Variants in PGCKA1 observed in about 807,000 individuals in gnomAD.
PGCKA1 encodes the protein PDCD10 and GCKIII kinases associated 1, also known as PDCD10 and GCKIII kinases-associated protein 1.
the PGCKA1 span, among the ~76,000 whole-genome samples, chr4:37,496,340 C>T: frequency 6.6e-6 from 1 of 152,192 alleles, no homozygotes; most frequent in Non-Finnish European, 1.5e-5. Context: ...GTTTTCCCAT[C>T]ACCATTTATT....
At chr4:37,489,442 A>T in the PGCKA1 span, among the ~76,000 whole-genome samples, 1 of 152,198 alleles carries the variant, frequency 6.6e-6, no homozygotes, top group South Asian at 2.1e-4. Flanking sequence ...CCACCCTAAA[A>T]TAGCACATTC....
the PGCKA1 span, among the ~76,000 whole-genome samples, chr4:37,556,037 T>G: frequency 6.6e-6 from 1 of 152,144 alleles, no homozygotes; most frequent in East Asian, 1.9e-4. Context: ...TTTCATTAAA[T>G]TTTCTAACAG....
the PGCKA1 span, among the ~76,000 whole-genome samples, chr4:37,583,538 G>A: frequency 3.1e-3 from 471 of 151,880 alleles, 4 homozygotes; most frequent in African/African-American, 0.01. Flanking sequence ...CCAGGTTCAC[G>A]CCATTCTCCT....
At chr4:37,454,916 T>C in the PGCKA1 span, among the ~76,000 whole-genome samples, 2 of 152,222 alleles carry the variant, frequency 1.3e-5, no homozygotes, top group Non-Finnish European at 2.9e-5. Flanking sequence ...TGATGGATAT[T>C]TGCCCTGTGA....
At chr4:37,458,458 G>T in the PGCKA1 span, among the ~76,000 whole-genome samples, 1 of 151,734 alleles carries the variant, frequency 6.6e-6, no homozygotes, top group African/African-American at 2.4e-5. Flanking sequence ...AGCAGTTTGG[G>T]TGGGCTTGGG....
At chr4:37,541,035 G>C in the PGCKA1 span, among the ~76,000 whole-genome samples, 1 of 150,382 alleles carries the variant, frequency 6.6e-6, no homozygotes, top group African/African-American at 2.5e-5. Context: ...AAAAACACCT[G>C]TCTGCAGAGA....
chr4:37,476,856 G>A, the PGCKA1 span, among the ~76,000 whole-genome samples: 7 of 152,078 alleles, frequency 4.6e-5, no homozygotes, highest in African/African-American at 7.2e-5. Flanking sequence ...ACTTCATGAC[G>A]GCCACCCACT....
At chr4:37,456,651 T>C in the PGCKA1 span, among the ~76,000 whole-genome samples, 9 of 152,232 alleles carry the variant, frequency 5.9e-5, no homozygotes, top group Non-Finnish European at 1.3e-4. Context: ...CTTGGAGACA[T>C]CATGTGCGTA....
chr4:37,559,867 T>C, the PGCKA1 span, among the ~76,000 whole-genome samples: 5 of 152,214 alleles, frequency 3.3e-5, no homozygotes, highest in African/African-American at 1.2e-4. Context: ...CCTCACTCTG[T>C]GTCTCCTGAA....
the PGCKA1 span, among the ~76,000 whole-genome samples, chr4:37,524,432 G>C: frequency 1.3e-5 from 2 of 152,198 alleles, no homozygotes; most frequent in African/African-American, 4.8e-5. Context: ...CTCCCCACCA[G>C]GGCCTCACCA....
chr4:37,528,603 A>G, the PGCKA1 span, among the ~76,000 whole-genome samples: 1 of 152,096 alleles, frequency 6.6e-6, no homozygotes, highest in Non-Finnish European at 1.5e-5. Flanking sequence ...AATCCTTGAA[A>G]ATTTTTTAAA....
chr4:37,454,315 C>T, the PGCKA1 span, among the ~76,000 whole-genome samples: 1 of 152,100 alleles, frequency 6.6e-6, no homozygotes, highest in African/African-American at 2.4e-5. Context: ...AAGACCAAGG[C>T]GTTTGTAAAG....
chr4:37,465,945 A>G, the PGCKA1 span, among the ~76,000 whole-genome samples: 1 of 152,330 alleles, frequency 6.6e-6, no homozygotes, highest in Admixed American at 6.5e-5. Context: ...TTTAAGCAGC[A>G]AGAATGCTTT....
chr4:37,473,872 T>A, the PGCKA1 span, among the ~76,000 whole-genome samples: 2 of 152,202 alleles, frequency 1.3e-5, no homozygotes, highest in African/African-American at 4.8e-5. Context: ...TAAAAACTAC[T>A]TCCGGTAGGG....
the PGCKA1 span, among the ~76,000 whole-genome samples, chr4:37,548,472 T>C: frequency 0.2 from 29,715 of 152,058 alleles, 3,273 homozygotes; most frequent in East Asian, 0.43. Flanking sequence ...GTGAACTGGA[T>C]ATTAAAGGAA....
chr4:37,531,113 T>C, the PGCKA1 span, among the ~76,000 whole-genome samples: 2 of 152,210 alleles, frequency 1.3e-5, no homozygotes, highest in African/African-American at 4.8e-5. Context: ...ATGATAAACA[T>C]TGAATTATTG....
At chr4:37,469,084 G>A in the PGCKA1 span, among the ~76,000 whole-genome samples, 7 of 152,160 alleles carry the variant, frequency 4.6e-5, no homozygotes, top group African/African-American at 7.2e-5. Flanking sequence ...ATTGCCTACA[G>A]TATTCAGTAG....
chr4:37,466,154 T>A, the PGCKA1 span, among the ~76,000 whole-genome samples: 1 of 152,178 alleles, frequency 6.6e-6, no homozygotes, highest in African/African-American at 2.4e-5. Flanking sequence ...TTTTGCAAAC[T>A]CATAAAGTCC....
At chr4:37,502,344 G>A in the PGCKA1 span, among the ~76,000 whole-genome samples, 22 of 152,312 alleles carry the variant, frequency 1.4e-4, no homozygotes, top group African/African-American at 4.6e-4. Flanking sequence ...GAAGGTGGAG[G>A]CCCCCCAGTT....
Sources: gnomAD v4.1 joint callset for allele counts (sites outside exome capture counted in the v4.1 genomes callset) on GRCh38, gnomAD v4.1.1 for gene constraint, MANE v1.5 for transcripts, NCBI Gene and HGNC (gene_info 2026-07-23, HGNC 2026-07-21) for gene names.